The following KCNB2 variants were observed in gnomAD, a reference collection of about 807,000 sequenced individuals.
KCNB2 encodes the protein potassium voltage-gated channel subfamily B member 2.
Under a neutral mutation model 61.5 loss-of-function variants are expected in KCNB2, and 15 were observed. The ratio of observed to expected loss-of-function variants is 0.24; its 90% CI spans 0.16 to 0.38. The LOEUF (loss-of-function observed/expected upper bound fraction) is 0.38, where lower values mean the gene tolerates loss of function less well. KCNB2 is among the 10% of genes least tolerant of loss of function. KCNB2 has a pLI of 1.00. For synonymous variants in KCNB2, 457 were observed against 446.0 expected, an observed-to-expected ratio of 1.02 and a Z score of -0.31; for missense variants, 828 against 1,125.2, an observed-to-expected ratio of 0.74 and a Z score of 3.78.
At chr8:72,585,757 G>T (rs535563448) in intron 2 of KCNB2, among the ~76,000 whole-genome samples, 2 of 152,284 alleles carry the variant, frequency 1.3e-5, no homozygotes, top group South Asian at 4.1e-4. Flanking sequence ...GACAAAATAT[G>T]ATTGTTTTGT....
intron 2 of KCNB2, among the ~76,000 whole-genome samples, chr8:72,765,503 C>T (rs1402939522): frequency 6.6e-6 from 1 of 152,160 alleles, no homozygotes; most frequent in Non-Finnish European, 1.5e-5. Context: ...CTCTGAGAGG[C>T]TCCTCAGTTT....
rs749476946 is a variant in KCNB2, at chr8:72,937,493, G to A, written c.2138G>A (p.Arg713Lys). Residue 713 changes from arginine (R) to lysine (K), a missense_variant, in exon 3 of 3, where the codon AGA becomes AAA. Coordinates refer to ENST00000523207, the MANE Select transcript of KCNB2 (RefSeq NM_004770.3). ...AAAGGCAGCAACCCACTAAAGTCCA[G>A]ATCCCTCAAAGTGAACTTTAAGGAA... ...SLKGSNPLKS[R>K]SLKVNFKENR... 12 of 1,613,780 alleles carry A rather than the reference G, an allele frequency of 7.4e-6. No homozygotes were observed. The Admixed American group carries it at 1.8e-4, about 25-fold the overall frequency.
chr8:72,834,951 T>A (rs1467259545), intron 2 of KCNB2, among the ~76,000 whole-genome samples: 3 of 152,186 alleles, frequency 2.0e-5, no homozygotes, highest in Non-Finnish European at 2.9e-5. Flanking sequence ...TGCTAATGAT[T>A]GGAAAACCAG....
At chr8:72,786,224 A>G (rs1808844194) in intron 2 of KCNB2, among the ~76,000 whole-genome samples, 1 of 152,062 alleles carries the variant, frequency 6.6e-6, no homozygotes, top group African/African-American at 2.4e-5. Flanking sequence ...ATATATGTGC[A>G]CTCATTTCTG....
At chr8:72,765,601 C>A (rs1808447768) in intron 2 of KCNB2, among the ~76,000 whole-genome samples, 1 of 152,188 alleles carries the variant, frequency 6.6e-6, no homozygotes. Flanking sequence ...GGAAAATAGT[C>A]ACTTTCAAGA....
intron 2 of KCNB2, among the ~76,000 whole-genome samples, chr8:72,814,490 A>G (rs544989427): frequency 5.9e-5 from 9 of 152,272 alleles, no homozygotes; most frequent in African/African-American, 1.4e-4. Flanking sequence ...CATATCTTCA[A>G]TGGTATTTGT....
chr8:72,710,672 C>T (rs1281764936), intron 2 of KCNB2, among the ~76,000 whole-genome samples: 1 of 152,156 alleles, frequency 6.6e-6, no homozygotes, highest in East Asian at 1.9e-4. Flanking sequence ...ACCCAGGACT[C>T]TTCAGTATGG....
chr8:72,870,958 C>T (rs1805605968), intron 2 of KCNB2, among the ~76,000 whole-genome samples: 1 of 152,040 alleles, frequency 6.6e-6, no homozygotes, highest in African/African-American at 2.4e-5. Context: ...GCCTGAGTGA[C>T]AGAGTAAGAC....
chr8:72,808,516 G>A (rs1215926348), intron 2 of KCNB2, among the ~76,000 whole-genome samples: 1 of 152,136 alleles, frequency 6.6e-6, no homozygotes, highest in African/African-American at 2.4e-5. Flanking sequence ...AAGAGTCAAT[G>A]TAATCTAGCC....
At chr8:72,549,806 A>G (rs1040510402) in intron 1 of KCNB2, among the ~76,000 whole-genome samples, 33 of 152,148 alleles carry the variant, frequency 2.2e-4, no homozygotes, top group African/African-American at 7.2e-4. Flanking sequence ...TTCCTTCTCT[A>G]ATCAATCAGT....
intron 2 of KCNB2, among the ~76,000 whole-genome samples, chr8:72,599,118 C>G (rs562440263): frequency 2.0e-4 from 30 of 152,132 alleles, no homozygotes; most frequent in Admixed American, 1.6e-3. Context: ...CATACGGAAC[C>G]AAAAAAGAGC....
At chr8:72,788,269 G>A (rs1808875000) in intron 2 of KCNB2, among the ~76,000 whole-genome samples, 1 of 152,162 alleles carries the variant, frequency 6.6e-6, no homozygotes, top group Non-Finnish European at 1.5e-5. Flanking sequence ...CAATTCTGGA[G>A]GGTGGAAGTC....
At chr8:72,561,160 A>G (rs1214766591) in intron 1 of KCNB2, among the ~76,000 whole-genome samples, 1 of 143,054 alleles carries the variant, frequency 7.0e-6, no homozygotes, top group Non-Finnish European at 1.5e-5. Flanking sequence ...AAAAGTTCTA[A>G]TTTTTTTTTT....
intron 2 of KCNB2, among the ~76,000 whole-genome samples, chr8:72,712,010 A>G (rs1266392975): frequency 1.3e-5 from 2 of 152,196 alleles, no homozygotes; most frequent in Non-Finnish European, 2.9e-5. Context: ...GAAAAAGTGA[A>G]TTAACTTGCC....
intron 1 of KCNB2, among the ~76,000 whole-genome samples, chr8:72,542,127 GTT>G (rs1396187287): frequency 6.6e-6 from 1 of 152,022 alleles, no homozygotes; most frequent in Non-Finnish European, 1.5e-5. Context: ...ATCAAGAAAA[GTT>G]TATATATTTG....
At chr8:72,789,260 T>C (rs868094403) in intron 2 of KCNB2, among the ~76,000 whole-genome samples, 1 of 152,224 alleles carries the variant, frequency 6.6e-6, no homozygotes, top group African/African-American at 2.4e-5. Context: ...AGTTAAATAC[T>C]GTTATTAACA....
intron 2 of KCNB2, among the ~76,000 whole-genome samples, chr8:72,766,144 GT>G (rs1169294731): frequency 2.0e-5 from 3 of 152,292 alleles, no homozygotes; most frequent in African/African-American, 4.8e-5. Flanking sequence ...GAACTGCCCT[GT>G]GATGCTTATT....
At chr8:72,790,510 A>AC (rs1290189761) in intron 2 of KCNB2, among the ~76,000 whole-genome samples, 1 of 152,150 alleles carries the variant, frequency 6.6e-6, no homozygotes, top group Non-Finnish European at 1.5e-5. Flanking sequence ...GAATGTGGGG[A>AC]CAGATGCCAG....
At chr8:72,799,521 C>G (rs1444421228) in intron 2 of KCNB2, among the ~76,000 whole-genome samples, 1 of 152,066 alleles carries the variant, frequency 6.6e-6, no homozygotes, top group Non-Finnish European at 1.5e-5. Context: ...ACTGATGAAA[C>G]AAATTTCCTT....
Sources: allele counts gnomAD v4.1 joint callset (sites outside exome capture counted in the v4.1 genomes callset), GRCh38; gene constraint gnomAD v4.1.1; transcripts MANE v1.5; gene names NCBI Gene and HGNC (gene_info 2026-07-23, HGNC 2026-07-21).